The following C8orf34 variants were observed in gnomAD, a reference collection of about 807,000 sequenced individuals.
The protein encoded by C8orf34 is chromosome 8 open reading frame 34.
C8orf34 carries 65 observed loss-of-function variants against 68.3 expected under a neutral mutation model. The observed-to-expected ratio is 0.95, with a 90% CI of 0.78 to 1.17. The LOEUF is 1.17. Ranked by LOEUF, C8orf34 falls within the 50% of genes most tolerant of loss-of-function variation. C8orf34 has a pLI of 0.00. For missense variants in C8orf34, 664 were observed against 655.4 expected (o/e 1.01, Z -0.14); for synonymous variants, 244 against 241.2 (o/e 1.01, Z -0.11).
intron 10 of C8orf34, among the ~76,000 whole-genome samples, chr8:68,765,504 G>A (rs78457015): frequency 0.018 from 2,665 of 152,258 alleles, 32 homozygotes; most frequent in Non-Finnish European, 0.027. Flanking sequence ...AGAGACTGTA[G>A]GTAAAACTCC....
chr8:68,384,412 A>G (rs1171449615), intron 1 of C8orf34, among the ~76,000 whole-genome samples: 1 of 152,216 alleles, frequency 6.6e-6, no homozygotes, highest in East Asian at 1.9e-4. Context: ...TCTGTTTGAT[A>G]TATATGGCGC....
At position 68,399,004 on chromosome 8, in the gene C8orf34, G is replaced by A. The variant is rs144525487; in HGVS notation, c.328-40495G>A. ...TGTCTTGAAATTCCTAATCATTTTC[G>A]AACAAGGGACCTCCCATCTTCATTT... On this transcript the variant is annotated intron_variant, in intron 1 of 13. Coordinates refer to ENST00000518698, the MANE Select transcript of C8orf34 (RefSeq NM_052958.4). Among the ~76,000 whole-genome samples, 278 of 151,918 alleles carry A rather than the reference G, an allele frequency of 1.8e-3. 9 individuals carry two copies. In the East Asian group the frequency reaches 0.045, roughly 25 times the overall value.
intron 12 of C8orf34, among the ~76,000 whole-genome samples, chr8:68,814,607 T>C (rs1393566260): frequency 1.3e-5 from 2 of 152,210 alleles, no homozygotes; most frequent in African/African-American, 4.8e-5. Context: ...CATTACTTGA[T>C]ACTTCCAAAG....
chr8:68,523,433 C>T (rs1045984635), intron 6 of C8orf34, among the ~76,000 whole-genome samples: 6 of 152,182 alleles, frequency 3.9e-5, no homozygotes, highest in African/African-American at 7.2e-5. Context: ...AACCTCTTCT[C>T]TAATCCTAGC....
chr8:68,545,634 A>G (rs1815850180), intron 7 of C8orf34, among the ~76,000 whole-genome samples: 2 of 152,158 alleles, frequency 1.3e-5, no homozygotes, highest in Admixed American at 1.3e-4. Context: ...TACATCCAGT[A>G]AAAATATTGT....
rs141645101 is a variant in C8orf34 at position 68,506,869 on chromosome 8, C to A, written c.766-14930C>A. ...GGTGAGAAGTTGGAATATATTTTTC[C>A]TCACATGGATGATAAGTTTTCTAGA... On this transcript the variant is annotated intron_variant, in intron 5 of 13. Transcript: ENST00000518698. 4.2e-3 allele frequency among the ~76,000 whole-genome samples: 637 copies of A among 152,054 alleles called. 4 individuals carry two copies. The highest frequency in any genetic ancestry group is 7.5e-3 in the Non-Finnish European group (512 of 67,980).
chr8:68,669,656 G>A (rs1819947448), intron 8 of C8orf34, among the ~76,000 whole-genome samples: 1 of 152,138 alleles, frequency 6.6e-6, no homozygotes, highest in Admixed American at 6.5e-5. Flanking sequence ...ATCTTTCTGA[G>A]CTATGAATAA....
chr8:68,681,495 C>T (rs1242696690), intron 8 of C8orf34, among the ~76,000 whole-genome samples: 3 of 152,034 alleles, frequency 2.0e-5, no homozygotes, highest in Non-Finnish European at 4.4e-5. Context: ...TGACTTTTAT[C>T]CCAAAGATAC....
chr8:68,749,519 G>A (rs923522733), intron 10 of C8orf34, among the ~76,000 whole-genome samples: 1 of 152,066 alleles, frequency 6.6e-6, no homozygotes, highest in Non-Finnish European at 1.5e-5. Flanking sequence ...TTTCTGAGTT[G>A]TGAAACCATC....
intron 1 of C8orf34, chr8:68,438,852 TG>T (rs1238498635): frequency 6.6e-6 from 1 of 152,004 alleles, no homozygotes; most frequent in Non-Finnish European, 1.5e-5. Flanking sequence ...CTGTCCAAAA[TG>T]GAACAGCCTG....
intron 10 of C8orf34, among the ~76,000 whole-genome samples, chr8:68,745,211 C>A (rs538704976): frequency 6.6e-6 from 1 of 152,156 alleles, no homozygotes; most frequent in South Asian, 2.1e-4. Context: ...ACCAGGCCTG[C>A]CCTACAAGAG....
intron 4 of C8orf34, among the ~76,000 whole-genome samples, chr8:68,469,117 A>C (rs1273019451): frequency 6.6e-6 from 1 of 151,944 alleles, no homozygotes; most frequent in Non-Finnish European, 1.5e-5. Flanking sequence ...TAGCTTCTTC[A>C]TTCTTTTCTT....
chr8:68,816,001 A>C, intron 13 of C8orf34, 56 bp downstream of exon 13: 1 of 1,612,844 alleles, frequency 6.2e-7, no homozygotes, highest in Non-Finnish European at 8.5e-7. Context: ...GTACCTTCTA[A>C]AACTGCTCAG....
chr8:68,718,446 C>T (rs1242888481), intron 9 of C8orf34, among the ~76,000 whole-genome samples: 1 of 152,110 alleles, frequency 6.6e-6, no homozygotes, highest in Non-Finnish European at 1.5e-5. Context: ...ACTTTAAGCT[C>T]CTTTCTTGAA....
At chr8:68,619,596 A>G (rs1249352685) in intron 7 of C8orf34, among the ~76,000 whole-genome samples, 1 of 152,228 alleles carries the variant, frequency 6.6e-6, no homozygotes, top group African/African-American at 2.4e-5. Flanking sequence ...CTCCAGGAAG[A>G]AAAGGTACCA....
chr8:68,690,983 G>C (rs1261296526), intron 8 of C8orf34, among the ~76,000 whole-genome samples: 1 of 152,012 alleles, frequency 6.6e-6, no homozygotes, highest in Non-Finnish European at 1.5e-5. Flanking sequence ...TCTTCCATAT[G>C]GAAGTTTTAA....
At chr8:68,513,327 A>G (rs897653372) in intron 5 of C8orf34, among the ~76,000 whole-genome samples, 4 of 152,210 alleles carry the variant, frequency 2.6e-5, no homozygotes, top group African/African-American at 9.6e-5. Context: ...GACAGGAAGA[A>G]GAAAACCTAG....
At chr8:68,489,598 TTGAC>T (rs1813224442) in intron 5 of C8orf34, among the ~76,000 whole-genome samples, 1 of 152,242 alleles carries the variant, frequency 6.6e-6, no homozygotes, top group Non-Finnish European at 1.5e-5. Flanking sequence ...TGACTGGATT[TTGAC>T]TGCGACTCAT....
At chr8:68,798,841 T>A (rs547927011) in intron 12 of C8orf34, among the ~76,000 whole-genome samples, 35 of 152,274 alleles carry the variant, frequency 2.3e-4, no homozygotes, top group Middle Eastern at 3.4e-3. Context: ...TAGAAAAAAA[T>A]TTAAAGAGTA....
Sources: gnomAD v4.1 joint callset for allele counts (sites outside exome capture counted in the v4.1 genomes callset) on GRCh38, gnomAD v4.1.1 for gene constraint, MANE v1.5 for transcripts, NCBI Gene and HGNC (gene_info 2026-07-23, HGNC 2026-07-21) for gene names.